The following CD226 variants were observed in gnomAD, a reference collection of about 807,000 sequenced individuals.
CD226 encodes the protein CD226 molecule, also known as CD226 antigen.
CD226 carries 24 observed loss-of-function variants against 34.9 expected under a neutral mutation model. The ratio of observed to expected loss-of-function variants is 0.69; its 90% confidence interval spans 0.50 to 0.97. The LOEUF is 0.97. Among genes scored for constraint, CD226 ranks in the 50% least tolerant of loss-of-function variants. The pLI is 0.00. For synonymous variants in CD226, 148 were observed against 147.4 expected, an observed-to-expected ratio of 1.00 and a Z score of -0.03; for missense variants, 397 against 412.7, an observed-to-expected ratio of 0.96 and a Z score of 0.33.
At chr18:69,946,708 T>TAAAA in intron 2 of CD226, 26 bp downstream of exon 2, 15 of 1,238,230 alleles carry the variant, frequency 1.2e-5, no homozygotes, top group African/African-American at 6.2e-5. Flanking sequence ...AAAAGGGATT[T>TAAAA]AAAAAAAAAA....
intron 2 of CD226, among the ~76,000 whole-genome samples, chr18:69,898,765 G>A (rs1239493222): frequency 2.6e-5 from 4 of 152,162 alleles, no homozygotes; most frequent in Admixed American, 6.5e-5. Context: ...TATTGCTTGT[G>A]GCTTCTCAGA....
intron 2 of CD226, among the ~76,000 whole-genome samples, chr18:69,914,962 T>C (rs1053690199): frequency 6.6e-6 from 1 of 152,210 alleles, no homozygotes; most frequent in African/African-American, 2.4e-5. Flanking sequence ...CTTTGAAGTA[T>C]TAGAGCTTTA....
chr18:69,890,993 T>C (rs1164747186), intron 3 of CD226, among the ~76,000 whole-genome samples: 1 of 116,680 alleles, frequency 8.6e-6, no homozygotes, highest in African/African-American at 3.6e-5. Flanking sequence ...ATCACCCTGA[T>C]ACCAAAACCA....
At chr18:69,936,503 G>C (rs2055655506) in intron 2 of CD226, among the ~76,000 whole-genome samples, 1 of 152,012 alleles carries the variant, frequency 6.6e-6, no homozygotes, top group African/African-American at 2.4e-5. Context: ...TTTCATTACG[G>C]AGTGAGATTT....
intron 3 of CD226, among the ~76,000 whole-genome samples, chr18:69,881,420 T>C (rs1227606208): frequency 6.6e-6 from 1 of 152,186 alleles, no homozygotes; most frequent in Non-Finnish European, 1.5e-5. Flanking sequence ...CCTAGTCCTG[T>C]CTTCTAATTC....
intron 3 of CD226, among the ~76,000 whole-genome samples, chr18:69,886,654 C>T (rs1288813068): frequency 1.3e-5 from 2 of 151,590 alleles, no homozygotes; most frequent in East Asian, 3.9e-4. Context: ...TGCAGTGAGC[C>T]GAGATCGTGC....
rs2145163432 is a variant in CD226 at position 69,860,725 on chromosome 18, A to G, written c.*3589T>C. 6.6e-6 allele frequency: 1 copy of G among 152,268 alleles called. No individual in the cohort carries two copies. The highest frequency in any genetic ancestry group is 2.4e-5 in the African/African-American group (1 of 41,580). 9.4% of individuals were successfully genotyped at this position (152,268 alleles called of 1,614,324 possible). A position where few individuals can be genotyped will look rare whatever the true frequency, so the allele number is the denominator to read the frequency against. ...ATACAGAAGTCTGAAGGTGGAGATC[A>G]GTACTTTCTAGATGTTACATTTTAA... On this transcript the variant is annotated 3_prime_UTR_variant, in exon 6 of 6. Transcript: ENST00000582621.
At chr18:69,888,895 A>G (rs1002853476) in intron 3 of CD226, among the ~76,000 whole-genome samples, 9 of 152,136 alleles carry the variant, frequency 5.9e-5, no homozygotes, top group African/African-American at 1.9e-4. Context: ...ACTATTATTC[A>G]ATATCTTACT....
intron 3 of CD226, among the ~76,000 whole-genome samples, chr18:69,887,630 C>G (rs569500044): frequency 6.6e-6 from 1 of 152,296 alleles, no homozygotes; most frequent in South Asian, 2.1e-4. Flanking sequence ...GCCATTTTCA[C>G]TTTCCACCAA....
intron 2 of CD226, among the ~76,000 whole-genome samples, chr18:69,912,551 G>A (rs1262749297): frequency 7.2e-5 from 11 of 152,054 alleles, no homozygotes. Flanking sequence ...TAAATTTTTG[G>A]ACATAAAATT....
rs147273436 is a variant in CD226 at position 69,879,354 on chromosome 18, C to A, written c.728-6108G>T. 8.9e-3 allele frequency among the ~76,000 whole-genome samples: 1,347 copies of A among 152,168 alleles called. 45 individuals carry two copies. Among genetic ancestry groups the A allele is most frequent in the Non-Finnish European group, 6.1e-3 (417 of 68,008 alleles). On this transcript the variant is annotated intron_variant, in intron 3 of 5. Transcript: ENST00000582621. ...GCAACTGCATAAGGCAGACACCCCC[C>A]GCTGAGAGGCCATTATAGAGGGCTC...
intron 2 of CD226, among the ~76,000 whole-genome samples, chr18:69,924,812 A>G (rs1214729613): frequency 2.6e-5 from 4 of 152,068 alleles, no homozygotes; most frequent in Non-Finnish European, 5.9e-5. Flanking sequence ...ACTCCAAAGT[A>G]AATGCTGAGA....
chr18:69,860,355 A>T lies in CD226; in HGVS notation c.*3959T>A, dbSNP rs1982749858. ...TAACACTAGAAAAAGTGTTCTGAAC[A>T]GGTTGACCATATAACTTATTCTAAC... On this transcript the variant is annotated 3_prime_UTR_variant, in exon 6 of 6. Coordinates refer to ENST00000582621, the MANE Select transcript of CD226 (RefSeq NM_001303618.2). 1 of 152,252 alleles carries T rather than the reference A, an allele frequency of 6.6e-6. No individual in the cohort carries two copies. Among genetic ancestry groups the T allele is most frequent in the Admixed American group, 6.5e-5 (1 of 15,292 alleles). 9.4% of individuals were successfully genotyped at this position (152,252 alleles called of 1,614,324 possible). A position where few individuals can be genotyped will look rare whatever the true frequency, so the allele number is the denominator to read the frequency against.
intron 2 of CD226, among the ~76,000 whole-genome samples, chr18:69,937,575 G>A (rs561235971): frequency 1.3e-5 from 2 of 152,216 alleles, no homozygotes; most frequent in Admixed American, 6.5e-5. Flanking sequence ...TTAGAGCTAA[G>A]ATCTATGTCT....
At chr18:69,932,909 T>C (rs998026890) in intron 2 of CD226, among the ~76,000 whole-genome samples, 6 of 152,180 alleles carry the variant, frequency 3.9e-5, no homozygotes, top group African/African-American at 1.4e-4. Context: ...GGGACATTTC[T>C]CCTGTATGCC....
At position 69,855,642 on chromosome 18, in the gene CD226, G is replaced by A. The variant is rs1469368986; in HGVS notation, c.*8672C>T. The A allele has an allele frequency of 6.6e-6, 1 of 151,854 alleles. No homozygotes were observed. Among genetic ancestry groups the A allele is most frequent in the Non-Finnish European group, 1.5e-5 (1 of 67,948 alleles). 9.4% of individuals were successfully genotyped at this position (151,854 alleles called of 1,614,324 possible). On this transcript the variant is annotated 3_prime_UTR_variant, in exon 6 of 6. Coordinates refer to ENST00000582621, the MANE Select transcript of CD226 (RefSeq NM_001303618.2). ...AGAATAAATACCAAAAAAAAGAGGG[G>A]AAAAGGAGAAAAACCTAGGTTGATC...
At chr18:69,893,821 A>C (rs1215993489) in intron 3 of CD226, among the ~76,000 whole-genome samples, 1 of 152,224 alleles carries the variant, frequency 6.6e-6, no homozygotes, top group African/African-American at 2.4e-5. Context: ...ATGTGGTCCA[A>C]GGTGATTGTG....
At chr18:69,892,730 A>G (rs1568173649) in intron 3 of CD226, among the ~76,000 whole-genome samples, 1 of 150,960 alleles carries the variant, frequency 6.6e-6, no homozygotes, top group East Asian at 1.9e-4. Context: ...GGCAGGTAGG[A>G]GTCAGGGGAA....
intron 2 of CD226, among the ~76,000 whole-genome samples, chr18:69,900,872 A>G (rs1038203629): frequency 2.6e-5 from 4 of 152,212 alleles, no homozygotes; most frequent in Admixed American, 6.5e-5. Flanking sequence ...ATTTACATCT[A>G]TAATAACCCT....
Sources: allele counts gnomAD v4.1 joint callset (sites outside exome capture counted in the v4.1 genomes callset), GRCh38; gene constraint gnomAD v4.1.1; transcripts MANE v1.5; gene names NCBI Gene and HGNC (gene_info 2026-07-23, HGNC 2026-07-21).